Variants in FRMD5 observed in about 807,000 individuals in gnomAD.
The protein encoded by FRMD5 is FERM domain containing 5, also known as FERM domain-containing protein 5.
A neutral mutation model predicts 69.0 loss-of-function variants in FRMD5; 20 were observed. That is an observed-to-expected ratio of 0.29 (90% CI 0.20 to 0.42). The LOEUF is 0.42. Among genes scored for constraint, FRMD5 ranks in the 10% least tolerant of loss-of-function variants. FRMD5 has a pLI of 1.00. For synonymous variants in FRMD5, 271 were observed against 260.1 expected (o/e 1.04, Z -0.40); for missense variants, 595 against 708.6 (o/e 0.84, Z 1.82).
intron 1 of FRMD5, among the ~76,000 whole-genome samples, chr15:44,013,761 T>G (rs1158180006): frequency 6.6e-6 from 1 of 152,160 alleles, no homozygotes; most frequent in Non-Finnish European, 1.5e-5. Context: ...CGACATTTTC[T>G]TACTTCCATT....
At chr15:43,936,117 T>C (rs1466501333) in intron 1 of FRMD5, among the ~76,000 whole-genome samples, 1 of 152,228 alleles carries the variant, frequency 6.6e-6, no homozygotes, top group South Asian at 2.1e-4. Flanking sequence ...GACAGAAGCA[T>C]GGTGTCCAGT....
At chr15:44,056,204 G>T (rs1371793730) in intron 1 of FRMD5, among the ~76,000 whole-genome samples, 1 of 152,184 alleles carries the variant, frequency 6.6e-6, no homozygotes, top group African/African-American at 2.4e-5. Flanking sequence ...TATTTAGGTA[G>T]TCAACAAGCA....
At position 43,873,912 on chromosome 15, in the gene FRMD5, T is replaced by G; in HGVS notation, c.1686A>C (p.Ser562=). 6.2e-7 allele frequency: 1 copy of G among 1,614,138 alleles called. No individual in the cohort carries two copies. The highest frequency in any genetic ancestry group is 8.5e-7 in the Non-Finnish European group (1 of 1,180,028). Residue 562 remains serine (S), a synonymous_variant, in exon 14 of 14, where the codon TCA becomes TCC. Transcript: ENST00000417257. ...AGGTGTCAATGAGCAGGCTCACCAC[T>G]GAGCGGATTTTGCAGGCAAACCATC... The part of the protein sequence containing the change: ...LRRWFACKIR[S]VVSLLIDT
intron 1 of FRMD5, among the ~76,000 whole-genome samples, chr15:43,939,922 G>A (rs1249335161): frequency 6.6e-6 from 1 of 152,140 alleles, no homozygotes; most frequent in African/African-American, 2.4e-5. Context: ...TGGCTCATGT[G>A]CTCCCAGCGC....
chr15:44,123,213 C>T (rs2076979847), intron 1 of FRMD5, among the ~76,000 whole-genome samples: 1 of 151,868 alleles, frequency 6.6e-6, no homozygotes, highest in Non-Finnish European at 1.5e-5. Flanking sequence ...GGCATTGTGG[C>T]AGGCACCAAT....
chr15:43,893,845 C>T (rs576053107), intron 7 of FRMD5, among the ~76,000 whole-genome samples: 7 of 152,294 alleles, frequency 4.6e-5, no homozygotes, highest in African/African-American at 1.7e-4. Flanking sequence ...AGTCCTGCCT[C>T]AAGAAGCAGT....
chr15:44,021,158 C>T (rs1378056808), intron 1 of FRMD5, among the ~76,000 whole-genome samples: 1 of 152,036 alleles, frequency 6.6e-6, no homozygotes, highest in Non-Finnish European at 1.5e-5. Flanking sequence ...TGATGGTGTG[C>T]ATCTGTGGTC....
chr15:44,032,062 T>A (rs922190232), intron 1 of FRMD5, among the ~76,000 whole-genome samples: 1 of 152,126 alleles, frequency 6.6e-6, no homozygotes, highest in Non-Finnish European at 1.5e-5. Context: ...TCTATGACCA[T>A]CTGATCTTCA....
chr15:44,120,764 G>C (rs574020070), intron 1 of FRMD5, among the ~76,000 whole-genome samples: 1 of 151,512 alleles, frequency 6.6e-6, no homozygotes, highest in Non-Finnish European at 1.5e-5. Context: ...TCCTGACCTC[G>C]TGATCCGCCC....
intron 13 of FRMD5, among the ~76,000 whole-genome samples, chr15:43,880,994 AGTT>A (rs2088511904): frequency 6.6e-6 from 1 of 152,094 alleles, no homozygotes; most frequent in African/African-American, 2.4e-5. Context: ...CCCGCCTCTG[AGTT>A]GTTCTACTAA....
rs11397296 is a variant in FRMD5 at position 43,996,715 on chromosome 15, A to ATTTTTTTTTT, written c.103-72416_103-72407dup. On this transcript the variant is annotated intron_variant, in intron 1 of 13. Coordinates refer to ENST00000417257, the MANE Select transcript of FRMD5 (RefSeq NM_032892.5). ...TTTTTTTTTTTAAGCTCCTCAGCTGATTTTTTTTTTTTTTTTTTTTTGTAT... is the reference window on the plus strand; with the variant it reads ...TTTTTTTTTTTAAGCTCCTCAGCTGATTTTTTTTTTTTTTTTTTTTTTTTTTTTTTTGTAT... 3.1e-4 allele frequency among the ~76,000 whole-genome samples: 27 copies of ATTTTTTTTTT among 86,026 alleles called. 1 individual carries two copies. Among genetic ancestry groups the ATTTTTTTTTT allele is most frequent in the Admixed American group, 3.8e-4 (2 of 5,272 alleles). 56.4% of individuals were successfully genotyped at this position (86,026 alleles called of 152,430 possible).
chr15:44,056,872 T>C (rs888254360), intron 1 of FRMD5, among the ~76,000 whole-genome samples: 3 of 152,162 alleles, frequency 2.0e-5, no homozygotes, highest in Admixed American at 1.3e-4. Context: ...ACCAGGGACA[T>C]TGCAGGAGGG....
At chr15:44,191,924 ATATATATATATATATATG>A (rs1204004243) in intron 1 of FRMD5, among the ~76,000 whole-genome samples, 45 of 42,408 alleles carry the variant, frequency 1.1e-3, no homozygotes, top group Middle Eastern at 8.8e-3. Context: ...TATATATATT[ATATATATATATATATATG>A]TATCTCCATA....
chr15:43,960,117 C>A (rs536011906), intron 1 of FRMD5, among the ~76,000 whole-genome samples: 1 of 151,836 alleles, frequency 6.6e-6, no homozygotes. Flanking sequence ...GAGACGGAGT[C>A]TCGCTCTGTC....
chr15:44,162,883 A>C (rs1189458509), intron 1 of FRMD5, among the ~76,000 whole-genome samples: 3 of 140,258 alleles, frequency 2.1e-5, no homozygotes, highest in South Asian at 2.3e-4. Context: ...AAAAAAAAAA[A>C]AAAAAACAAG....
At chr15:44,065,271 G>C (rs2733218) in intron 1 of FRMD5, among the ~76,000 whole-genome samples, 150,691 of 152,326 alleles carry the variant, frequency 0.99, 74,555 homozygotes, top group Middle Eastern at 1. Context: ...AATTATAATG[G>C]TAAAGAGGTC....
chr15:44,194,918 G>T (rs1375683209), intron 1 of FRMD5, 35 bp downstream of exon 1: 1 of 1,489,372 alleles, frequency 6.7e-7, no homozygotes, highest in South Asian at 1.2e-5. Context: ...GGACAAGGGG[G>T]TCCCGCGGGC....
At chr15:43,949,089 T>C (rs1346939849) in intron 1 of FRMD5, among the ~76,000 whole-genome samples, 2 of 152,212 alleles carry the variant, frequency 1.3e-5, no homozygotes, top group Non-Finnish European at 2.9e-5. Flanking sequence ...CAGGGCTCCA[T>C]GGTTAGTAGG....
At chr15:44,129,222 A>G (rs1400848418) in intron 1 of FRMD5, among the ~76,000 whole-genome samples, 2 of 152,194 alleles carry the variant, frequency 1.3e-5, no homozygotes. Flanking sequence ...GCTATTTTTT[A>G]AAGTCAATTC....
Sources: allele counts gnomAD v4.1 joint callset (sites outside exome capture counted in the v4.1 genomes callset), GRCh38; gene constraint gnomAD v4.1.1; transcripts MANE v1.5; gene names NCBI Gene and HGNC (gene_info 2026-07-23, HGNC 2026-07-21).